Variants in PARD3 observed in about 807,000 individuals in gnomAD.
PARD3 encodes par-3 family cell polarity regulator, also known as partitioning defective 3 homolog.
Under a neutral mutation model 155.4 loss-of-function variants are expected in PARD3, and 75 were observed. That is an observed-to-expected ratio of 0.48 (90% CI 0.40 to 0.58). PARD3 has a LOEUF of 0.58. Among genes scored for constraint, PARD3 ranks in the 20% least tolerant of loss-of-function variants. The pLI is 0.00. For missense variants in PARD3, 1,642 were observed against 1,721.7 expected, an observed-to-expected ratio of 0.95 and a Z score of 0.82; for synonymous variants, 576 against 610.5, an observed-to-expected ratio of 0.94 and a Z score of 0.83.
At chr10:34,294,600 T>C (rs1223808105) in intron 20 of PARD3, among the ~76,000 whole-genome samples, 3 of 152,226 alleles carry the variant, frequency 2.0e-5, no homozygotes, top group Non-Finnish European at 4.4e-5. Flanking sequence ...CAGAGTAAAT[T>C]AAGAGGTGCA....
chr10:34,498,473 G>C (rs1444224185), intron 3 of PARD3, among the ~76,000 whole-genome samples: 1 of 152,054 alleles, frequency 6.6e-6, no homozygotes. Context: ...ATGAATACTT[G>C]AAGTAAAAAG....
chr10:34,455,087 T>TA (rs2077264995), intron 4 of PARD3, among the ~76,000 whole-genome samples: 1 of 152,176 alleles, frequency 6.6e-6, no homozygotes, highest in South Asian at 2.1e-4. Flanking sequence ...GGCAAGACTA[T>TA]ATCCCTCTGT....
At chr10:34,212,021 C>CT (rs34135178) in intron 22 of PARD3, among the ~76,000 whole-genome samples, 140 of 132,022 alleles carry the variant, frequency 1.1e-3, no homozygotes, top group Non-Finnish European at 1.7e-3. Context: ...GAGTGCTCAA[C>CT]TTTTTTTTTT....
At chr10:34,365,731 G>A (rs1839902751) in intron 12 of PARD3, among the ~76,000 whole-genome samples, 1 of 152,082 alleles carries the variant, frequency 6.6e-6, no homozygotes, top group Non-Finnish European at 1.5e-5. Flanking sequence ...GGGACTAAAG[G>A]CGTGAGCCAC....
At chr10:34,126,007 C>T (rs528477135) in intron 23 of PARD3, among the ~76,000 whole-genome samples, 3 of 152,188 alleles carry the variant, frequency 2.0e-5, no homozygotes, top group East Asian at 1.9e-4. Flanking sequence ...CTGTCCATAT[C>T]GAAGCTCTGT....
chr10:34,501,449 C>G (rs2080699586), intron 3 of PARD3, among the ~76,000 whole-genome samples: 1 of 152,086 alleles, frequency 6.6e-6, no homozygotes, highest in South Asian at 2.1e-4. Context: ...TCCTAGAAAG[C>G]CTGCAGAACA....
chr10:34,756,009 G>C (rs138672814), intron 1 of PARD3, among the ~76,000 whole-genome samples: 16 of 152,034 alleles, frequency 1.1e-4, no homozygotes, highest in African/African-American at 3.6e-4. Flanking sequence ...TCTCACACAG[G>C]AGCACCAAAC....
intron 24 of PARD3, among the ~76,000 whole-genome samples, chr10:34,112,777 T>C (rs1946454656): frequency 6.6e-6 from 1 of 152,192 alleles, no homozygotes; most frequent in Non-Finnish European, 1.5e-5. Flanking sequence ...AATGCACCCA[T>C]TTTCCATATG....
At chr10:34,796,713 A>G (rs930647625) in intron 1 of PARD3, among the ~76,000 whole-genome samples, 4 of 152,206 alleles carry the variant, frequency 2.6e-5, no homozygotes, top group Non-Finnish European at 4.4e-5. Context: ...GGCCAGATGT[A>G]GTGGTTCACG....
intron 22 of PARD3, among the ~76,000 whole-genome samples, chr10:34,192,383 C>T (rs912146243): frequency 2.6e-5 from 4 of 152,160 alleles, no homozygotes; most frequent in African/African-American, 7.2e-5. Context: ...CAGGCGTGAG[C>T]CACCGTCCCC....
At chr10:34,798,207 T>C (rs2134304306) in intron 1 of PARD3, among the ~76,000 whole-genome samples, 1 of 152,132 alleles carries the variant, frequency 6.6e-6, no homozygotes, top group East Asian at 1.9e-4. Flanking sequence ...CATGTACCTG[T>C]AGTCCTAGCT....
intron 1 of PARD3, among the ~76,000 whole-genome samples, chr10:34,769,558 C>T (rs1303074893): frequency 6.6e-6 from 1 of 151,828 alleles, no homozygotes. Flanking sequence ...GAGTCCGACA[C>T]CAGCTTGGGC....
intron 14 of PARD3, among the ~76,000 whole-genome samples, chr10:34,350,084 G>A (rs557613633): frequency 6.6e-6 from 1 of 152,226 alleles, no homozygotes; most frequent in South Asian, 2.1e-4. Flanking sequence ...GACATCAATA[G>A]TTGACTACAT....
At chr10:34,241,389 C>T (rs1021119211) in intron 22 of PARD3, among the ~76,000 whole-genome samples, 1 of 152,010 alleles carries the variant, frequency 6.6e-6, no homozygotes, top group Non-Finnish European at 1.5e-5. Flanking sequence ...CACTGGGGAG[C>T]ACCGGTGGAG....
chr10:34,467,882 C>T (rs1319057262), intron 4 of PARD3, among the ~76,000 whole-genome samples: 2 of 152,338 alleles, frequency 1.3e-5, no homozygotes, highest in East Asian at 3.9e-4. Context: ...TAATGTTCTA[C>T]TTCCCAGGCT....
intron 2 of PARD3, among the ~76,000 whole-genome samples, chr10:34,686,151 T>G (rs1170734128): frequency 6.6e-6 from 1 of 152,224 alleles, no homozygotes; most frequent in African/African-American, 2.4e-5. Context: ...GAACTACAAT[T>G]GTTACAAATG....
chr10:34,520,999 T>C (rs2133686743), intron 2 of PARD3, among the ~76,000 whole-genome samples: 1 of 152,326 alleles, frequency 6.6e-6, no homozygotes, highest in East Asian at 1.9e-4. Context: ...TGGTGCTTAA[T>C]TGGAAGCAAA....
At chr10:34,711,579 T>C (rs1056730074) in intron 1 of PARD3, among the ~76,000 whole-genome samples, 30 of 152,340 alleles carry the variant, frequency 2.0e-4, no homozygotes, top group Non-Finnish European at 3.5e-4. Flanking sequence ...TTCCTGTATA[T>C]GCATGGTAAT....
chr10:34,175,162 T>G (rs1589021777), intron 22 of PARD3, among the ~76,000 whole-genome samples: 1 of 152,302 alleles, frequency 6.6e-6, no homozygotes, highest in East Asian at 1.9e-4. Context: ...CTGCACATGG[T>G]AAAAAAGAAT....
Sources: gnomAD v4.1 joint callset for allele counts (sites outside exome capture counted in the v4.1 genomes callset) on GRCh38, gnomAD v4.1.1 for gene constraint, MANE v1.5 for transcripts, NCBI Gene and HGNC (gene_info 2026-07-23, HGNC 2026-07-21) for gene names.